Variants in NMRK1 observed in about 807,000 individuals in gnomAD.
The protein encoded by NMRK1 is nicotinamide riboside kinase 1.
NMRK1 carries 28 observed loss-of-function variants against 29.9 expected under a neutral mutation model. The observed-to-expected ratio is 0.94, with a 90% CI of 0.69 to 1.28. The LOEUF (loss-of-function observed/expected upper bound fraction) is 1.28, where lower values mean the gene tolerates loss of function less well. NMRK1 is among the 50% of genes most tolerant of loss of function. NMRK1 has a pLI of 0.00. For synonymous variants in NMRK1, 58 were observed against 73.0 expected (o/e 0.79, Z 1.05); for missense variants, 218 against 233.1 (o/e 0.94, Z 0.42).
intron 4 of NMRK1, among the ~76,000 whole-genome samples, chr9:75,074,529 G>C (rs1198185585): frequency 6.6e-6 from 1 of 151,990 alleles, no homozygotes; most frequent in Non-Finnish European, 1.5e-5. Context: ...TGGGACCACA[G>C]GTGCGCACCA....
At position 75,063,889 on chromosome 9, in the gene NMRK1, T is replaced by A. The variant is rs780279013; in HGVS notation, c.581-2322A>T. 2.0e-5 allele frequency among the ~76,000 whole-genome samples: 3 copies of A among 152,178 alleles called. No individual in the cohort carries two copies. In the East Asian group the frequency reaches 5.8e-4, roughly 29 times the overall value. On this transcript the variant is annotated intron_variant, in intron 8 of 8. Coordinates refer to ENST00000361092, the MANE Select transcript of NMRK1 (RefSeq NM_017881.3). Reference sequence around the variant, plus strand: ...GAAATAAAACAGTAACTTATTTATGTAACTGAGAAAAACCAGCATAAATGT... The same window carrying A: ...GAAATAAAACAGTAACTTATTTATGAAACTGAGAAAAACCAGCATAAATGT...
At chr9:75,063,589 CAATT>C (rs998037594) in intron 8 of NMRK1, among the ~76,000 whole-genome samples, 1 of 152,074 alleles carries the variant, frequency 6.6e-6, no homozygotes, top group African/African-American at 2.4e-5. Context: ...GTTTCATTAA[CAATT>C]AAATTCAGTC....
At chr9:75,064,055 G>A (rs1167881514) in intron 8 of NMRK1, among the ~76,000 whole-genome samples, 2 of 152,044 alleles carry the variant, frequency 1.3e-5, no homozygotes, top group Non-Finnish European at 2.9e-5. Context: ...GAAGGAAGGA[G>A]GGGCGTCACA....
intron 8 of NMRK1, among the ~76,000 whole-genome samples, chr9:75,065,746 T>C (rs1228085084): frequency 1.3e-5 from 2 of 152,234 alleles, no homozygotes; most frequent in South Asian, 4.1e-4. Flanking sequence ...GCAAGTCATG[T>C]GATCCAGCAG....
intron 2 of NMRK1, among the ~76,000 whole-genome samples, chr9:75,081,792 C>T (rs1824337134): frequency 1.3e-5 from 2 of 152,186 alleles, no homozygotes; most frequent in Non-Finnish European, 2.9e-5. Flanking sequence ...CCAGGCTTAT[C>T]CAGCAAAGGG....
chr9:75,069,728 G>C lies in NMRK1; in HGVS notation c.389+14C>G. ...TTTTGAATTACAACTCACAAAGATGGCTTCAAAACTTACCTCCTCCTCCTT... is the reference window on the plus strand; with the variant it reads ...TTTTGAATTACAACTCACAAAGATGCCTTCAAAACTTACCTCCTCCTCCTT... On this transcript the variant is annotated intron_variant, in intron 6 of 8. Coordinates refer to ENST00000361092, the MANE Select transcript of NMRK1 (RefSeq NM_017881.3). 1 of 1,599,224 alleles carries C rather than the reference G, an allele frequency of 6.3e-7. No homozygotes were observed.
chr9:75,061,276 T>C lies in NMRK1; in HGVS notation c.*272A>G. The C allele has an allele frequency of 2.4e-6, 1 of 408,914 alleles. No homozygotes were observed. Among genetic ancestry groups the C allele is most frequent in the Non-Finnish European group, 4.4e-6 (1 of 229,644 alleles). The allele number at this position is 408,914 out of a possible 1,614,324, so 25.3% of individuals were successfully genotyped here. A position where few individuals can be genotyped will look rare whatever the true frequency, so the allele number is the denominator to read the frequency against. ...TTTGACAATCATTGTTATAGAGCTA[T>C]GTTCAGAAAGTGGAGACTTTCTGAC... On this transcript the variant is annotated 3_prime_UTR_variant, in exon 9 of 9. Coordinates refer to ENST00000361092, the MANE Select transcript of NMRK1 (RefSeq NM_017881.3).
intron 2 of NMRK1, among the ~76,000 whole-genome samples, chr9:75,080,768 C>T (rs1587400771): frequency 6.6e-6 from 1 of 152,156 alleles, no homozygotes; most frequent in East Asian, 1.9e-4. Flanking sequence ...AGTTTTTGCT[C>T]TGTTGGTTCA....
intron 4 of NMRK1, among the ~76,000 whole-genome samples, chr9:75,076,448 G>A (rs1189824890): frequency 6.6e-6 from 1 of 151,888 alleles, no homozygotes. Flanking sequence ...GGGGGGGAAT[G>A]AAGGGAGAAA....
rs1822994996 is a variant in NMRK1 at position 75,061,067 on chromosome 9, A to G, written c.*481T>C. ...TGTGATCAATATGTTTTTTATAATT[A>G]AAGACGGAAAAACATCACAGTGCAT... is the stretch of plus-strand genomic sequence containing the variant. On this transcript the variant is annotated 3_prime_UTR_variant, in exon 9 of 9. Transcript: ENST00000361092. 1 of 153,168 alleles carries G rather than the reference A, an allele frequency of 6.5e-6. No homozygotes were observed. Among genetic ancestry groups the G allele is most frequent in the Non-Finnish European group, 1.5e-5 (1 of 68,746 alleles). 9.5% of individuals were successfully genotyped at this position (153,168 alleles called of 1,614,324 possible). A position where few individuals can be genotyped will look rare whatever the true frequency, so the allele number is the denominator to read the frequency against.
At chr9:75,072,245 G>A (rs985673783) in intron 4 of NMRK1, among the ~76,000 whole-genome samples, 7 of 152,050 alleles carry the variant, frequency 4.6e-5, no homozygotes, top group Non-Finnish European at 5.9e-5. Flanking sequence ...CATTCCTCCC[G>A]TCCTGGAATC....
chr9:75,062,310 T>C (rs1235345614), intron 8 of NMRK1, among the ~76,000 whole-genome samples: 2 of 151,078 alleles, frequency 1.3e-5, no homozygotes, highest in African/African-American at 4.8e-5. Flanking sequence ...TACTATAATT[T>C]TATAATGAGA....
rs202032310 is a variant in NMRK1, at chr9:75,077,651, T to G, written c.30-71A>C. Reference sequence around the variant, plus strand: ...AAATCATTAAACACTTTTTTTTTTTTGAGAGACAGGGTCTCGCTGTGTCAC... The same window carrying G: ...AAATCATTAAACACTTTTTTTTTTTGGAGAGACAGGGTCTCGCTGTGTCAC... On this transcript the variant is annotated intron_variant, in intron 2 of 8. Transcript: ENST00000361092. The G allele has an allele frequency of 6.7e-6, 6 of 894,080 alleles. No individual in the cohort carries two copies. The South Asian group carries it at 7.4e-5, about 11-fold the overall frequency. The allele number at this position is 894,080 out of a possible 1,614,324, so 55.4% of individuals were successfully genotyped here.
At chr9:75,069,702 G>T (rs1483838533) in intron 6 of NMRK1, 40 bp downstream of exon 6, 1 of 1,528,130 alleles carries the variant, frequency 6.5e-7, no homozygotes, top group Admixed American at 1.7e-5. Context: ...TACATTTTTT[G>T]TTTTGAATTA....
chr9:75,084,615 G>A (rs535845539), intron 1 of NMRK1, among the ~76,000 whole-genome samples: 31 of 152,200 alleles, frequency 2.0e-4, no homozygotes, highest in African/African-American at 7.5e-4. Flanking sequence ...ATGGCAAAAC[G>A]CTACCTCTAC....
chr9:75,078,586 T>A, intron 2 of NMRK1: 2 of 1,249,792 alleles, frequency 1.6e-6, no homozygotes, highest in Non-Finnish European at 2.0e-6. Context: ...CTCATGTCTG[T>A]GAACATAAGT....
At chr9:75,085,457 T>A (rs1275718737) in intron 1 of NMRK1, among the ~76,000 whole-genome samples, 1 of 152,252 alleles carries the variant, frequency 6.6e-6, no homozygotes, top group Admixed American at 6.5e-5. Context: ...CTCTGATGTA[T>A]AATTGATGTC....
intron 2 of NMRK1, among the ~76,000 whole-genome samples, chr9:75,080,565 T>C (rs1824259115): frequency 6.6e-6 from 1 of 152,108 alleles, no homozygotes; most frequent in Non-Finnish European, 1.5e-5. Context: ...GGCAGGAGAA[T>C]CGCTTGAACC....
intron 4 of NMRK1, among the ~76,000 whole-genome samples, chr9:75,073,347 C>G (rs1306352121): frequency 6.6e-6 from 1 of 152,202 alleles, no homozygotes; most frequent in Non-Finnish European, 1.5e-5. Context: ...CTTCTGGCCT[C>G]TTGAATTGTG....
Sources: allele counts gnomAD v4.1 joint callset (sites outside exome capture counted in the v4.1 genomes callset), GRCh38; gene constraint gnomAD v4.1.1; transcripts MANE v1.5; gene names NCBI Gene and HGNC (gene_info 2026-07-23, HGNC 2026-07-21).